The following DCC variants were observed in gnomAD, a reference collection of about 807,000 sequenced individuals.
DCC encodes DCC netrin 1 receptor.
A neutral mutation model predicts 172.5 loss-of-function variants in DCC; 58 were observed. That is an observed-to-expected ratio of 0.34 (90% CI 0.27 to 0.42). The LOEUF (loss-of-function observed/expected upper bound fraction) is 0.42. DCC is among the 10% of genes least tolerant of loss of function. DCC has a pLI of 1.00. For synonymous variants in DCC, 709 were observed against 644.5 expected (o/e 1.10, Z -1.52); for missense variants, 1,740 against 1,791.0 (o/e 0.97, Z 0.51).
intron 5 of DCC, among the ~76,000 whole-genome samples, chr18:52,954,015 A>G (rs540999388): frequency 1.3e-5 from 2 of 152,292 alleles, no homozygotes; most frequent in East Asian, 3.9e-4. Context: ...ACTATTATAA[A>G]CTCTGAGCAA....
chr18:52,911,462 A>G (rs1441871646), intron 3 of DCC, among the ~76,000 whole-genome samples: 1 of 152,150 alleles, frequency 6.6e-6, no homozygotes, highest in Non-Finnish European at 1.5e-5. Flanking sequence ...AACATGCCCT[A>G]AATTGTACAA....
At chr18:53,006,029 A>G (rs2041640572) in intron 5 of DCC, among the ~76,000 whole-genome samples, 1 of 152,192 alleles carries the variant, frequency 6.6e-6, no homozygotes, top group South Asian at 2.1e-4. Flanking sequence ...AAAATCAGGC[A>G]AGAGAACTCA....
chr18:52,414,830 T>C (rs754623941), intron 1 of DCC, among the ~76,000 whole-genome samples: 37 of 152,238 alleles, frequency 2.4e-4, no homozygotes, highest in Non-Finnish European at 4.7e-4. Context: ...TAATTGCTCC[T>C]GACATTTAAT....
At chr18:52,513,545 A>G (rs1454936481) in intron 1 of DCC, among the ~76,000 whole-genome samples, 1 of 152,186 alleles carries the variant, frequency 6.6e-6, no homozygotes, top group Non-Finnish European at 1.5e-5. Flanking sequence ...TTTTCCTTCT[A>G]GAAAGCAGGT....
In DCC at chr18:52,777,514, ATCATC is replaced by A. The variant is rs796497315; in HGVS notation, c.412+25149_412+25153del. Among the ~76,000 whole-genome samples, 42 of 152,298 alleles carry A rather than the reference ATCATC, an allele frequency of 2.8e-4. 1 individual carries two copies. The highest frequency in any genetic ancestry group is 6.7e-4 in the African/African-American group (28 of 41,568). ...GAGCCCACCATGATAGCCCAGAATG[ATCATC>A]TCATCTCAAGATCCTTAATTACAAA... On this transcript the variant is annotated intron_variant, in intron 2 of 28. Transcript: ENST00000442544.
At chr18:53,272,377 G>A (rs1449616140) in intron 12 of DCC, among the ~76,000 whole-genome samples, 2 of 152,124 alleles carry the variant, frequency 1.3e-5, no homozygotes, top group African/African-American at 4.8e-5. Context: ...TGTTTGATGA[G>A]TAATCATTCT....
intron 15 of DCC, among the ~76,000 whole-genome samples, chr18:53,343,107 T>A: frequency 6.6e-6 from 1 of 151,740 alleles, no homozygotes; most frequent in East Asian, 1.9e-4. Flanking sequence ...ATCAAACATA[T>A]CTATGTGAAC....
At chr18:52,455,051 TTAATG>T (rs1420365097) in intron 1 of DCC, among the ~76,000 whole-genome samples, 1 of 152,202 alleles carries the variant, frequency 6.6e-6, no homozygotes, top group Non-Finnish European at 1.5e-5. Flanking sequence ...TATTATGAAT[TTAATG>T]TATATAGTAA....
At chr18:52,381,315 A>G (rs891174519) in intron 1 of DCC, among the ~76,000 whole-genome samples, 2 of 152,174 alleles carry the variant, frequency 1.3e-5, no homozygotes, top group African/African-American at 4.8e-5. Flanking sequence ...GCAGCATTTT[A>G]GAAAGAAAGG....
intron 9 of DCC, among the ~76,000 whole-genome samples, chr18:53,186,699 C>A (rs530965107): frequency 6.6e-6 from 1 of 152,280 alleles, no homozygotes; most frequent in South Asian, 2.1e-4. Context: ...AAAATAAGGG[C>A]AGAAGTTTCT....
intron 1 of DCC, among the ~76,000 whole-genome samples, chr18:52,474,866 ACCGGTTATCTTTAGACCATTGTT>A (rs1989050057): frequency 6.6e-6 from 1 of 152,168 alleles, no homozygotes; most frequent in African/African-American, 2.4e-5. Context: ...GGACCCCAAC[ACCGGTTATCTTTAGACCATTGTT>A]CAATGGACTT....
At chr18:52,877,402 A>G (rs1353882544) in intron 2 of DCC, among the ~76,000 whole-genome samples, 1 of 152,146 alleles carries the variant, frequency 6.6e-6, no homozygotes, top group Non-Finnish European at 1.5e-5. Context: ...GTAGGTTGAG[A>G]AAACAAAATA....
chr18:53,427,138 T>C (rs576132297), intron 21 of DCC, among the ~76,000 whole-genome samples: 2 of 152,302 alleles, frequency 1.3e-5, no homozygotes, highest in South Asian at 4.1e-4. Flanking sequence ...ATTGTCTCAT[T>C]CTTTATGTTG....
chr18:53,373,730 A>T (rs2144963232), intron 15 of DCC, among the ~76,000 whole-genome samples: 1 of 152,286 alleles, frequency 6.6e-6, no homozygotes, highest in South Asian at 2.1e-4. Flanking sequence ...AACAAACCCA[A>T]ATTTTAGAGC....
At chr18:53,479,018 C>A (rs2045801056) in intron 25 of DCC, among the ~76,000 whole-genome samples, 1 of 152,138 alleles carries the variant, frequency 6.6e-6, no homozygotes, top group Non-Finnish European at 1.5e-5. Context: ...ATTCCATCAC[C>A]CTTCAGCCCT....
chr18:52,968,254 A>T lies in DCC; in HGVS notation c.985+42884A>T, dbSNP rs141183734. On this transcript the variant is annotated intron_variant, in intron 5 of 28. Coordinates refer to ENST00000442544, the MANE Select transcript of DCC (RefSeq NM_005215.4). ...AGGGTAACAGAGGGAAAGAGTTAAT[A>T]ACTCTGAGGAGGGTGACCAGGCACA... Among the ~76,000 whole-genome samples, 11 of 152,224 alleles carry T rather than the reference A, an allele frequency of 7.2e-5. No individual in the cohort carries two copies. The East Asian group carries it at 1.9e-3, about 27-fold the overall frequency.
chr18:53,236,393 G>A (rs2056203310), intron 12 of DCC, among the ~76,000 whole-genome samples: 1 of 151,960 alleles, frequency 6.6e-6, no homozygotes, highest in African/African-American at 2.4e-5. Context: ...ACTTTAGGTT[G>A]AATTGTTAAT....
intron 5 of DCC, among the ~76,000 whole-genome samples, chr18:52,939,795 C>T (rs918786016): frequency 1.3e-5 from 2 of 152,038 alleles, no homozygotes; most frequent in Non-Finnish European, 2.9e-5. Context: ...CTTTCTCATA[C>T]CATGGTCAGA....
At chr18:52,658,112 T>C (rs1941107222) in intron 1 of DCC, among the ~76,000 whole-genome samples, 3 of 152,190 alleles carry the variant, frequency 2.0e-5, no homozygotes. Context: ...TATGACACGA[T>C]TAGTTTGATT....
Sources: allele counts gnomAD v4.1 joint callset (sites outside exome capture counted in the v4.1 genomes callset), GRCh38; gene constraint gnomAD v4.1.1; transcripts MANE v1.5; gene names NCBI Gene and HGNC (gene_info 2026-07-23, HGNC 2026-07-21).